The following PTPRT variants were observed in gnomAD, a reference collection of about 807,000 sequenced individuals.
PTPRT encodes protein tyrosine phosphatase receptor type T, also known as receptor-type tyrosine-protein phosphatase T.
In PTPRT, 56 loss-of-function variants were observed where a neutral mutation model predicts 176.8. The observed-to-expected ratio is 0.32, with a 90% CI of 0.26 to 0.40. The LOEUF is 0.40. Ranked by LOEUF, PTPRT falls within the 10% of genes least tolerant of loss-of-function variation. PTPRT has a pLI of 1.00. For synonymous variants in PTPRT, 783 were observed against 739.0 expected, an observed-to-expected ratio of 1.06 and a Z score of -0.96; for missense variants, 1,540 against 1,908.2, an observed-to-expected ratio of 0.81 and a Z score of 3.60.
chr20:42,947,778 A>G (rs748870558), intron 1 of PTPRT, among the ~76,000 whole-genome samples: 1 of 151,516 alleles, frequency 6.6e-6, no homozygotes, highest in Non-Finnish European at 1.5e-5. Flanking sequence ...GCATGAGGCC[A>G]CCCCACCCCA....
chr20:42,035,790 C>A, the PTPRT span, among the ~76,000 whole-genome samples: 7 of 152,168 alleles, frequency 4.6e-5, no homozygotes, highest in Admixed American at 3.3e-4. Context: ...TCATTTCTGG[C>A]AGGAGCTCCC....
At chr20:42,505,014 T>C (rs1415237629) in intron 7 of PTPRT, among the ~76,000 whole-genome samples, 2 of 152,070 alleles carry the variant, frequency 1.3e-5, no homozygotes, top group African/African-American at 2.4e-5. Flanking sequence ...ACCTACGATA[T>C]ACTATTTCAT....
intron 9 of PTPRT, among the ~76,000 whole-genome samples, chr20:42,405,017 T>A (rs2058947146): frequency 1.1e-5 from 1 of 94,344 alleles, no homozygotes; most frequent in South Asian, 3.1e-4. Flanking sequence ...TAACATATCA[T>A]ATAGCACCAT....
intron 6 of PTPRT, among the ~76,000 whole-genome samples, chr20:42,709,099 G>C (rs1188103716): frequency 3.3e-5 from 5 of 152,218 alleles, no homozygotes; most frequent in Non-Finnish European, 7.3e-5. Context: ...GCTTGCTTTG[G>C]TTATTAAAAT....
chr20:42,521,118 T>G lies in PTPRT; in HGVS notation c.1154-48556A>C, dbSNP rs576675280. Among the ~76,000 whole-genome samples, 942 of 152,022 alleles carry G rather than the reference T, an allele frequency of 6.2e-3. 16 individuals are homozygous for G. Among genetic ancestry groups the G allele is most frequent in the African/African-American group, 0.022 (904 of 41,492 alleles). On this transcript the variant is annotated intron_variant, in intron 7 of 30. Coordinates refer to ENST00000373187, the MANE Select transcript of PTPRT (RefSeq NM_007050.6). ...TACCTATCTAACCTACCTAGTGACC[T>G]ACCTACCTACCTACCTACTCACCTG...
intron 4 of PTPRT, among the ~76,000 whole-genome samples, chr20:42,775,200 TTGACGTTAG>T (rs373943008): frequency 5.0e-4 from 76 of 152,320 alleles, no homozygotes; most frequent in African/African-American, 1.8e-3. Context: ...CAAAAATGCC[TTGACGTTAG>T]TGACATTTAG....
chr20:42,036,414 T>G, the PTPRT span, among the ~76,000 whole-genome samples: 1 of 152,210 alleles, frequency 6.6e-6, no homozygotes, highest in South Asian at 2.1e-4. Context: ...GTTACTATTT[T>G]CAGCCCCATT....
At chr20:42,247,677 G>A (rs2056477365) in intron 14 of PTPRT, among the ~76,000 whole-genome samples, 1 of 152,174 alleles carries the variant, frequency 6.6e-6, no homozygotes, top group South Asian at 2.1e-4. Flanking sequence ...ACACCACCTA[G>A]TATTATAATG....
chr20:42,542,157 G>A (rs1055472178), intron 7 of PTPRT, among the ~76,000 whole-genome samples: 12 of 150,554 alleles, frequency 8.0e-5, no homozygotes, highest in Admixed American at 6.6e-4. Flanking sequence ...CCCAAGCCAT[G>A]TGGAACTGTA....
At position 42,912,397 on chromosome 20, in the gene PTPRT, T is replaced by C. The variant is rs149799947; in HGVS notation, c.89-26465A>G. 3.3e-5 allele frequency among the ~76,000 whole-genome samples: 5 copies of C among 152,380 alleles called. No individual in the cohort carries two copies. The East Asian group carries it at 9.6e-4, about 29-fold the overall frequency. On this transcript the variant is annotated intron_variant, in intron 1 of 30. Coordinates refer to ENST00000373187, the MANE Select transcript of PTPRT (RefSeq NM_007050.6). ...CTGGTTATGCCCTTCACTCATTTTA[T>C]GATTGGACTATTTATCCATTCTAAT... is the stretch of plus-strand genomic sequence containing the variant.
chr20:42,671,267 C>T (rs887343112), intron 7 of PTPRT, among the ~76,000 whole-genome samples: 2 of 152,154 alleles, frequency 1.3e-5, no homozygotes, highest in African/African-American at 2.4e-5. Flanking sequence ...CAGAGCTGTA[C>T]GATAACCAAG....
At chr20:43,065,251 A>G (rs1987639882) in intron 1 of PTPRT, among the ~76,000 whole-genome samples, 1 of 152,204 alleles carries the variant, frequency 6.6e-6, no homozygotes, top group Non-Finnish European at 1.5e-5. Context: ...AGATTCACAG[A>G]TCTAGGATCC....
At chr20:42,825,844 T>C (rs1351079008) in intron 2 of PTPRT, among the ~76,000 whole-genome samples, 2 of 151,992 alleles carry the variant, frequency 1.3e-5, no homozygotes, top group East Asian at 3.9e-4. Flanking sequence ...CGTATGTCCA[T>C]CAGGTAAGAA....
rs1402450999 is a variant in PTPRT, at chr20:42,558,575, G to A, written c.1154-86013C>T. Among the ~76,000 whole-genome samples the A allele has an allele frequency of 2.0e-5, 3 of 152,116 alleles. No individual in the cohort carries two copies. The East Asian group carries it at 5.8e-4, about 29-fold the overall frequency. On this transcript the variant is annotated intron_variant, in intron 7 of 30. Coordinates refer to ENST00000373187, the MANE Select transcript of PTPRT (RefSeq NM_007050.6). ...AATCTCATATACTGTTGGTGGGAGTGTGTATTATTAGCCCAGTCACTGCTG... is the reference window on the plus strand; with the variant it reads ...AATCTCATATACTGTTGGTGGGAGTATGTATTATTAGCCCAGTCACTGCTG...
intron 7 of PTPRT, among the ~76,000 whole-genome samples, chr20:42,581,618 A>C (rs1054371272): frequency 1.3e-5 from 2 of 152,136 alleles, no homozygotes; most frequent in African/African-American, 4.8e-5. Flanking sequence ...TCCATCCCTA[A>C]GTCTTCCACA....
chr20:42,662,110 G>A (rs1052392033), intron 7 of PTPRT, among the ~76,000 whole-genome samples: 4 of 152,130 alleles, frequency 2.6e-5, no homozygotes, highest in Non-Finnish European at 5.9e-5. Flanking sequence ...TAATGAGAGA[G>A]AAACTGAAAA....
chr20:42,846,027 C>A (rs139432113), intron 2 of PTPRT, among the ~76,000 whole-genome samples: 2 of 152,206 alleles, frequency 1.3e-5, no homozygotes, highest in South Asian at 2.1e-4. Flanking sequence ...CCCCCAGGGA[C>A]GCTACAAGGC....
At chr20:42,995,829 A>AT (rs918014074) in intron 1 of PTPRT, among the ~76,000 whole-genome samples, 2 of 151,586 alleles carry the variant, frequency 1.3e-5, no homozygotes, top group African/African-American at 4.8e-5. Flanking sequence ...CTCCTTTATA[A>AT]TTTTTTTTAA....
At chr20:42,915,743 C>G (rs1273941704) in intron 1 of PTPRT, among the ~76,000 whole-genome samples, 1 of 152,036 alleles carries the variant, frequency 6.6e-6, no homozygotes, top group Non-Finnish European at 1.5e-5. Flanking sequence ...AGGAGCACAC[C>G]ACCACACACA....
Sources: gnomAD v4.1 joint callset for allele counts (sites outside exome capture counted in the v4.1 genomes callset) on GRCh38, gnomAD v4.1.1 for gene constraint, MANE v1.5 for transcripts, NCBI Gene and HGNC (gene_info 2026-07-23, HGNC 2026-07-21) for gene names.